ZNF831: variants seen among roughly 807,000 people sequenced by gnomAD.
ZNF831 encodes the protein chromosome 20 open reading frame 174.
In ZNF831, 59 loss-of-function variants were observed where a neutral mutation model predicts 95.8. The ratio of observed to expected loss-of-function variants is 0.62; its 90% CI spans 0.50 to 0.77. ZNF831 has a LOEUF of 0.77. ZNF831 is among the 30% of genes least tolerant of loss of function. ZNF831 has a pLI of 0.00. For synonymous variants in ZNF831, 961 were observed against 925.5 expected, an observed-to-expected ratio of 1.04 and a Z score of -0.70; for missense variants, 2,205 against 2,164.0, an observed-to-expected ratio of 1.02 and a Z score of -0.38.
chr20:59,134,826 A>G (rs1331271597), intron 1 of ZNF831, among the ~76,000 whole-genome samples: 1 of 152,224 alleles, frequency 6.6e-6, no homozygotes, highest in African/African-American at 2.4e-5. Flanking sequence ...ATCTTGGGGA[A>G]GTCATTCGAT....
chr20:59,143,940 T>C (rs537490674), intron 1 of ZNF831, among the ~76,000 whole-genome samples: 1 of 152,346 alleles, frequency 6.6e-6, no homozygotes, highest in South Asian at 2.1e-4. Context: ...ATGGATTCTA[T>C]AAAATGCTCT....
At chr20:59,134,090 T>C (rs1366502059) in intron 1 of ZNF831, among the ~76,000 whole-genome samples, 5 of 152,214 alleles carry the variant, frequency 3.3e-5, no homozygotes, top group Non-Finnish European at 5.9e-5. Flanking sequence ...CCTGCTGGCT[T>C]CTCAGTGGCA....
At chr20:59,212,154 G>C (rs556404208) in intron 4 of ZNF831, among the ~76,000 whole-genome samples, 1 of 152,102 alleles carries the variant, frequency 6.6e-6, no homozygotes, top group African/African-American at 2.4e-5. Context: ...GACACTTCCT[G>C]TCAATAACTT....
intron 2 of ZNF831, among the ~76,000 whole-genome samples, chr20:59,152,575 G>A (rs1225159576): frequency 1.3e-5 from 2 of 152,146 alleles, no homozygotes; most frequent in Non-Finnish European, 2.9e-5. Flanking sequence ...TTTGGGGATT[G>A]CAACGTTAAG....
rs1601303561 is a variant in ZNF831 at position 59,152,925 on chromosome 20, A to G, written c.-1281+6551A>G. 2.0e-5 allele frequency among the ~76,000 whole-genome samples: 3 copies of G among 152,304 alleles called. No homozygotes were observed. In the South Asian group the frequency reaches 6.2e-4, roughly 32 times the overall value. ...TTGTTCCAAGAGTGACGAGGCTACT[A>G]CAAGGTTTTAGCTAGAGTGGGGATG... On this transcript the variant is annotated intron_variant, in intron 2 of 7. Transcript: ENST00000637017.
At chr20:59,240,789 G>A (rs1325079350) in intron 4 of ZNF831, among the ~76,000 whole-genome samples, 2 of 152,112 alleles carry the variant, frequency 1.3e-5, no homozygotes, top group Non-Finnish European at 2.9e-5. Context: ...GCGACAGAGC[G>A]AGCCTCCGTC....
intron 1 of ZNF831, among the ~76,000 whole-genome samples, chr20:59,138,122 G>A (rs1979569863): frequency 6.6e-6 from 1 of 152,198 alleles, no homozygotes; most frequent in Non-Finnish European, 1.5e-5. Context: ...CGATTTTGGA[G>A]CATTTTGGAA....
intron 4 of ZNF831, among the ~76,000 whole-genome samples, chr20:59,241,307 C>G (rs1426400791): frequency 6.6e-6 from 1 of 151,952 alleles, no homozygotes; most frequent in East Asian, 1.9e-4. Context: ...TAACCGGCCC[C>G]CTCTATTTTT....
intron 4 of ZNF831, among the ~76,000 whole-genome samples, chr20:59,222,200 C>A (rs949005645): frequency 6.6e-6 from 1 of 152,240 alleles, no homozygotes; most frequent in Non-Finnish European, 1.5e-5. Flanking sequence ...AACGCAGAGC[C>A]CCGAACCCCA....
chr20:59,171,039 C>CA (rs1049693423), intron 1 of ZNF831, among the ~76,000 whole-genome samples: 2 of 152,218 alleles, frequency 1.3e-5, no homozygotes, highest in African/African-American at 4.8e-5. Flanking sequence ...ACCCCCCAGC[C>CA]ACAGGCAGGC....
chr20:59,248,805 T>A (rs890525057), intron 4 of ZNF831, among the ~76,000 whole-genome samples: 2 of 152,190 alleles, frequency 1.3e-5, no homozygotes, highest in African/African-American at 4.8e-5. Flanking sequence ...TGAAAACATA[T>A]CTTGAATCCA....
intron 4 of ZNF831, among the ~76,000 whole-genome samples, chr20:59,226,554 A>G (rs1986444000): frequency 6.6e-6 from 1 of 151,818 alleles, no homozygotes. Context: ...ATATAAGGCT[A>G]TCACCTATTT....
chr20:59,239,673 T>C (rs1273844518), intron 4 of ZNF831, among the ~76,000 whole-genome samples: 1 of 151,634 alleles, frequency 6.6e-6, no homozygotes, highest in East Asian at 1.9e-4. Context: ...GCCTCCCGAG[T>C]AGCTGGGATT....
At chr20:59,252,847 T>C in intron 4 of ZNF831, 131 bp from the exon 5 acceptor site, 1 of 911,256 alleles carries the variant, frequency 1.1e-6, no homozygotes, top group East Asian at 2.7e-5. Context: ...ATTGAGTTCT[T>C]GCACACACCC....
At chr20:59,206,727 G>T (rs532935794) in intron 3 of ZNF831, among the ~76,000 whole-genome samples, 178 bp from the exon 4 acceptor site, 1 of 151,304 alleles carries the variant, frequency 6.6e-6, no homozygotes, top group African/African-American at 2.4e-5. Flanking sequence ...GAAGCTAGGC[G>T]CATTATCCTG....
intron 1 of ZNF831, among the ~76,000 whole-genome samples, chr20:59,180,190 C>T (rs921670860): frequency 5.9e-5 from 9 of 152,044 alleles, no homozygotes; most frequent in Non-Finnish European, 1.2e-4. Context: ...TCAGTTCAAG[C>T]GGTTTTCCCA....
intron 4 of ZNF831, among the ~76,000 whole-genome samples, chr20:59,247,814 A>C (rs934282533): frequency 1.3e-5 from 2 of 152,244 alleles, no homozygotes; most frequent in Non-Finnish European, 2.9e-5. Flanking sequence ...AAAGAAATAT[A>C]TCAAATTACT....
At chr20:59,135,469 C>A (rs145490617) in intron 1 of ZNF831, among the ~76,000 whole-genome samples, 1 of 152,098 alleles carries the variant, frequency 6.6e-6, no homozygotes, top group Non-Finnish European at 1.5e-5. Context: ...CAGTGGCTCA[C>A]GCCTGTAATC....
chr20:59,166,004 G>A (rs570389429), intron 1 of ZNF831, among the ~76,000 whole-genome samples: 50 of 152,090 alleles, frequency 3.3e-4, no homozygotes, highest in African/African-American at 1.2e-3. Context: ...TATCTGCCTC[G>A]GCCTCCCAAA....
Sources: gnomAD v4.1 joint callset for allele counts (sites outside exome capture counted in the v4.1 genomes callset) on GRCh38, gnomAD v4.1.1 for gene constraint, MANE v1.5 for transcripts, NCBI Gene and HGNC (gene_info 2026-07-23, HGNC 2026-07-21) for gene names.